Variants in GALNT13 observed in about 807,000 individuals in gnomAD.
The protein encoded by GALNT13 is polypeptide N-acetylgalactosaminyltransferase 13, also known as UDP-GalNAc:polypeptide N-acetylgalactosaminyltransferase 13.
A neutral mutation model predicts 64.2 loss-of-function variants in GALNT13; 28 were observed. The ratio of observed to expected loss-of-function variants is 0.44; its 90% CI spans 0.32 to 0.60. The LOEUF (loss-of-function observed/expected upper bound fraction) is 0.60, where lower values mean the gene tolerates loss of function less well. Among genes scored for constraint, GALNT13 ranks in the 20% least tolerant of loss-of-function variants. The pLI, the probability that GALNT13 is intolerant of heterozygous loss-of-function variation, is 0.05. For missense variants in GALNT13, 577 were observed against 669.8 expected, an observed-to-expected ratio of 0.86 and a Z score of 1.53; for synonymous variants, 214 against 224.6, an observed-to-expected ratio of 0.95 and a Z score of 0.42.
chr2:153,751,846 T>G, the GALNT13 span, among the ~76,000 whole-genome samples: 1 of 151,914 alleles, frequency 6.6e-6, no homozygotes, highest in Admixed American at 6.6e-5. Context: ...ATTATTTATA[T>G]GTAAGAACTT....
the GALNT13 span, among the ~76,000 whole-genome samples, chr2:153,277,162 G>A: frequency 6.6e-6 from 1 of 152,172 alleles, no homozygotes; most frequent in African/African-American, 2.4e-5. Flanking sequence ...CCTAGTTAGT[G>A]AGCATAGTAC....
chr2:153,950,767 T>C (rs973503031), intron 3 of GALNT13, among the ~76,000 whole-genome samples: 1 of 152,120 alleles, frequency 6.6e-6, no homozygotes, highest in Non-Finnish European at 1.5e-5. Flanking sequence ...TCAACATGAT[T>C]GAATCTTGAA....
the GALNT13 span, among the ~76,000 whole-genome samples, chr2:153,735,286 TTTG>T: frequency 6.6e-6 from 1 of 152,166 alleles, no homozygotes; most frequent in Non-Finnish European, 1.5e-5. Flanking sequence ...ATGGTTTTAG[TTTG>T]TTGTTCAGCA....
chr2:153,214,905 A>T, the GALNT13 span, among the ~76,000 whole-genome samples: 3 of 151,958 alleles, frequency 2.0e-5, no homozygotes, highest in Non-Finnish European at 2.9e-5. Context: ...TCACCTAAAA[A>T]CTCTTGGGTA....
chr2:153,103,386 A>T, the GALNT13 span, among the ~76,000 whole-genome samples: 1 of 152,172 alleles, frequency 6.6e-6, no homozygotes, highest in Non-Finnish European at 1.5e-5. Context: ...ATTAAATGTG[A>T]TGCCTCCAGA....
chr2:153,904,961 A>G (rs764456931), intron 2 of GALNT13, among the ~76,000 whole-genome samples: 1 of 151,808 alleles, frequency 6.6e-6, no homozygotes, highest in African/African-American at 2.4e-5. Context: ...AAATTTCTAT[A>G]TATGTCTGGG....
At chr2:153,678,373 C>T in the GALNT13 span, among the ~76,000 whole-genome samples, 1 of 151,964 alleles carries the variant, frequency 6.6e-6, no homozygotes, top group African/African-American at 2.4e-5. Flanking sequence ...TCGTGTCCTT[C>T]TCAGCAACAT....
chr2:154,176,746 G>C (rs1237931007), intron 4 of GALNT13, among the ~76,000 whole-genome samples: 1 of 152,036 alleles, frequency 6.6e-6, no homozygotes, highest in Non-Finnish European at 1.5e-5. Flanking sequence ...TGGCTATTGT[G>C]CTATCCATAT....
At chr2:154,406,246 C>A (rs1368224555) in intron 10 of GALNT13, among the ~76,000 whole-genome samples, 1 of 152,118 alleles carries the variant, frequency 6.6e-6, no homozygotes, top group Non-Finnish European at 1.5e-5. Context: ...ATTGGACCTT[C>A]CACCCCCATT....
intron 2 of GALNT13, among the ~76,000 whole-genome samples, chr2:153,943,116 T>A (rs1558866181): frequency 1.3e-5 from 2 of 152,200 alleles, no homozygotes; most frequent in Non-Finnish European, 2.9e-5. Context: ...AAAAGTTGGT[T>A]AACCAGGTAG....
the GALNT13 span, among the ~76,000 whole-genome samples, chr2:153,627,180 G>A: frequency 6.6e-6 from 1 of 152,004 alleles, no homozygotes; most frequent in African/African-American, 2.4e-5. Flanking sequence ...ATTGAGGACT[G>A]TACACTGAAA....
chr2:153,939,998 T>C (rs1691221430), intron 2 of GALNT13, among the ~76,000 whole-genome samples: 1 of 152,160 alleles, frequency 6.6e-6, no homozygotes, highest in Admixed American at 6.5e-5. Flanking sequence ...TTAGGTTCCC[T>C]CCTGAGAATT....
the GALNT13 span, among the ~76,000 whole-genome samples, chr2:153,828,167 G>A: frequency 3.3e-5 from 5 of 152,194 alleles, no homozygotes; most frequent in South Asian, 2.1e-4. Context: ...TTCCAGGCAC[G>A]CAGTGCAAGC....
At chr2:153,215,249 G>T in the GALNT13 span, among the ~76,000 whole-genome samples, 4 of 151,980 alleles carry the variant, frequency 2.6e-5, no homozygotes, top group East Asian at 1.9e-4. Flanking sequence ...CCCTAAAGAA[G>T]TAGTCACTGT....
At chr2:154,346,768 T>A (rs1696092082) in intron 9 of GALNT13, among the ~76,000 whole-genome samples, 1 of 152,122 alleles carries the variant, frequency 6.6e-6, no homozygotes, top group African/African-American at 2.4e-5. Context: ...CATAGAACAC[T>A]ATATTCACAG....
the GALNT13 span, among the ~76,000 whole-genome samples, chr2:153,344,481 G>A: frequency 6.6e-6 from 1 of 152,148 alleles, no homozygotes; most frequent in Non-Finnish European, 1.5e-5. Context: ...TGATGCTGGG[G>A]TTGTTGTTGT....
At chr2:153,112,899 G>A in the GALNT13 span, among the ~76,000 whole-genome samples, 1 of 152,034 alleles carries the variant, frequency 6.6e-6, no homozygotes, top group Non-Finnish European at 1.5e-5. Context: ...AGAACAAGTT[G>A]TCAAAATCTA....
chr2:153,619,296 A>C, the GALNT13 span, among the ~76,000 whole-genome samples: 1 of 152,034 alleles, frequency 6.6e-6, no homozygotes, highest in Non-Finnish European at 1.5e-5. Flanking sequence ...AAACAAGCAA[A>C]AAGACTCTAG....
the GALNT13 span, among the ~76,000 whole-genome samples, chr2:153,723,035 A>T: frequency 6.6e-6 from 1 of 152,038 alleles, no homozygotes; most frequent in Non-Finnish European, 1.5e-5. Context: ...CTTGATGAAC[A>T]TTGATGCAAA....
Sources: gnomAD v4.1 joint callset for allele counts (sites outside exome capture counted in the v4.1 genomes callset) on GRCh38, gnomAD v4.1.1 for gene constraint, MANE v1.5 for transcripts, NCBI Gene and HGNC (gene_info 2026-07-23, HGNC 2026-07-21) for gene names.